The following MDGA2 variants were observed in gnomAD, a reference collection of about 807,000 sequenced individuals.
The protein encoded by MDGA2 is MAM domain-containing glycosylphosphatidylinositol anchor protein 2.
Under a neutral mutation model 117.8 loss-of-function variants are expected in MDGA2, and 40 were observed. The ratio of observed to expected loss-of-function variants is 0.34; its 90% CI spans 0.26 to 0.44. The LOEUF is 0.44. MDGA2 is among the 20% of genes least tolerant of loss of function. MDGA2 has a pLI of 1.00. For missense variants in MDGA2, 1,123 were observed against 1,250.6 expected (o/e 0.90, Z 1.54); for synonymous variants, 452 against 439.0 (o/e 1.03, Z -0.37).
intron 7 of MDGA2, among the ~76,000 whole-genome samples, chr14:47,049,052 C>T (rs1199536834): frequency 1.3e-5 from 2 of 151,964 alleles, no homozygotes; most frequent in Non-Finnish European, 2.9e-5. Context: ...ATTTTATTCC[C>T]AAGAAAGGAC....
At chr14:46,929,629 A>T (rs1398842603) in intron 9 of MDGA2, among the ~76,000 whole-genome samples, 2,573 of 27,562 alleles carry the variant, frequency 0.093, 542 homozygotes, top group Non-Finnish European at 0.15. Flanking sequence ...ATATATATAT[A>T]TATATATATA....
intron 2 of MDGA2, among the ~76,000 whole-genome samples, chr14:47,227,150 C>T (rs1372035889): frequency 1.3e-5 from 2 of 152,084 alleles, no homozygotes; most frequent in African/African-American, 4.8e-5. Flanking sequence ...CCTTAGAGCC[C>T]TTTACCCTTC....
At chr14:46,902,666 C>T (rs540798978) in intron 10 of MDGA2, among the ~76,000 whole-genome samples, 4 of 152,212 alleles carry the variant, frequency 2.6e-5, no homozygotes, top group African/African-American at 7.2e-5. Flanking sequence ...GAGTTCCTTC[C>T]CACGATTTGT....
At chr14:47,298,748 G>A (rs916877354) in intron 2 of MDGA2, among the ~76,000 whole-genome samples, 1 of 144,226 alleles carries the variant, frequency 6.9e-6, no homozygotes, top group Non-Finnish European at 1.5e-5. Flanking sequence ...GCAGTGGCAC[G>A]ATCTCGGCTC....
chr14:46,844,317 C>T (rs748050641), intron 16 of MDGA2, among the ~76,000 whole-genome samples: 1 of 152,086 alleles, frequency 6.6e-6, no homozygotes, highest in Non-Finnish European at 1.5e-5. Flanking sequence ...CAGTGGCTCA[C>T]GCCTGTAATC....
intron 1 of MDGA2, among the ~76,000 whole-genome samples, chr14:47,645,269 G>A (rs1897505536): frequency 6.6e-6 from 1 of 150,516 alleles, no homozygotes; most frequent in Admixed American, 6.6e-5. Context: ...TTTTTAGAGG[G>A]AGTCCCGCTG....
At chr14:47,488,758 A>G (rs1894109789) in intron 1 of MDGA2, among the ~76,000 whole-genome samples, 1 of 152,078 alleles carries the variant, frequency 6.6e-6, no homozygotes, top group African/African-American at 2.4e-5. Flanking sequence ...TAATAAATCA[A>G]GGAATCAAGG....
At chr14:46,920,906 C>A (rs933400438) in intron 9 of MDGA2, among the ~76,000 whole-genome samples, 3 of 152,074 alleles carry the variant, frequency 2.0e-5, no homozygotes, top group African/African-American at 7.2e-5. Flanking sequence ...AATAAAAGAT[C>A]TGGTCAATAT....
At chr14:47,324,976 G>C (rs976309420) in intron 1 of MDGA2, among the ~76,000 whole-genome samples, 6 of 151,976 alleles carry the variant, frequency 3.9e-5, no homozygotes, top group African/African-American at 1.4e-4. Context: ...CCATATATCT[G>C]AATAAAAAGT....
intron 8 of MDGA2, among the ~76,000 whole-genome samples, chr14:46,978,324 A>G (rs1287358779): frequency 2.0e-5 from 3 of 151,930 alleles, no homozygotes; most frequent in African/African-American, 7.2e-5. Flanking sequence ...TTAGGTTTCA[A>G]AATTGGCTTC....
chr14:47,301,760 G>C (rs1288378575), intron 1 of MDGA2, among the ~76,000 whole-genome samples: 1 of 152,140 alleles, frequency 6.6e-6, no homozygotes, highest in African/African-American at 2.4e-5. Flanking sequence ...CACATTTCCA[G>C]GGGAACAAGG....
chr14:47,669,429 C>T (rs1898035967), intron 1 of MDGA2, among the ~76,000 whole-genome samples: 1 of 152,190 alleles, frequency 6.6e-6, no homozygotes, highest in South Asian at 2.1e-4. Context: ...AAGTTAGGCT[C>T]AACTTGCTCA....
chr14:47,217,907 C>T (rs1886156403), intron 3 of MDGA2, 114 bp downstream of exon 3: 1 of 800,306 alleles, frequency 1.2e-6, no homozygotes, highest in Non-Finnish European at 1.8e-6. Flanking sequence ...TTATTTTACA[C>T]AGTTTTCATT....
chr14:47,500,841 T>G (rs1474652435), intron 1 of MDGA2, among the ~76,000 whole-genome samples: 3 of 152,150 alleles, frequency 2.0e-5, no homozygotes, highest in African/African-American at 7.2e-5. Context: ...ACATTCACCC[T>G]GCTTTTTCTG....
chr14:47,404,716 A>T (rs1030598891), intron 1 of MDGA2, among the ~76,000 whole-genome samples: 5 of 151,690 alleles, frequency 3.3e-5, no homozygotes, highest in African/African-American at 1.2e-4. Context: ...TTGGTCTCAA[A>T]CTCCTGGGCT....
chr14:47,566,582 G>T (rs1475815537), intron 1 of MDGA2, among the ~76,000 whole-genome samples: 3 of 152,116 alleles, frequency 2.0e-5, no homozygotes, highest in Non-Finnish European at 4.4e-5. Context: ...AGCTCTTCCT[G>T]CCAGTTTCCC....
At chr14:47,415,152 T>C (rs7150335) in intron 1 of MDGA2, among the ~76,000 whole-genome samples, 64,548 of 151,874 alleles carry the variant, frequency 0.43, 14,000 homozygotes, top group South Asian at 0.57. Flanking sequence ...GTAATTTCTA[T>C]ATCAGTAACC....
intron 1 of MDGA2, among the ~76,000 whole-genome samples, chr14:47,395,662 CTG>C (rs1272417502): frequency 1.3e-5 from 2 of 151,934 alleles, no homozygotes; most frequent in African/African-American, 4.8e-5. Flanking sequence ...ATAAACATGA[CTG>C]AATTATAGAC....
At chr14:46,938,951 G>A (rs552867731) in intron 9 of MDGA2, among the ~76,000 whole-genome samples, 1 of 152,296 alleles carries the variant, frequency 6.6e-6, no homozygotes, top group African/African-American at 2.4e-5. Context: ...ATGAAATTCT[G>A]TCATTTGCAA....
Sources: gnomAD v4.1 joint callset for allele counts (sites outside exome capture counted in the v4.1 genomes callset) on GRCh38, gnomAD v4.1.1 for gene constraint, MANE v1.5 for transcripts, NCBI Gene and HGNC (gene_info 2026-07-23, HGNC 2026-07-21) for gene names.